The following DYNC2H1 variants were observed in gnomAD, a reference collection of about 807,000 sequenced individuals.
The protein encoded by DYNC2H1 is cytoplasmic dynein 2 heavy chain 1.
Under a neutral mutation model 570.0 loss-of-function variants are expected in DYNC2H1, and 410 were observed. The observed-to-expected ratio is 0.72, with a 90% CI of 0.66 to 0.78. DYNC2H1 has a LOEUF of 0.78. Ranked by LOEUF, DYNC2H1 falls within the 30% of genes least tolerant of loss-of-function variation. The probability of loss-of-function intolerance (pLI) is 0.00; values close to 1 mark genes in which losing one functional copy is unlikely to be tolerated. For missense variants in DYNC2H1, 4,865 were observed against 5,046.4 expected, an observed-to-expected ratio of 0.96 and a Z score of 1.09; for synonymous variants, 1,688 against 1,677.6, an observed-to-expected ratio of 1.01 and a Z score of -0.15.
intron 82 of DYNC2H1, among the ~76,000 whole-genome samples, chr11:103,356,560 T>C (rs1416920150): frequency 1.3e-5 from 2 of 152,176 alleles, no homozygotes; most frequent in African/African-American, 2.4e-5. Flanking sequence ...CACGAATAAG[T>C]GACAGCAAAA....
chr11:103,190,960 C>CTTTT (rs10707668), intron 45 of DYNC2H1, among the ~76,000 whole-genome samples: 1 of 110,540 alleles, frequency 9.0e-6, no homozygotes, highest in African/African-American at 3.5e-5. Context: ...GCTTTTTAGC[C>CTTTT]TTTTTTTTTT....
At chr11:103,330,111 G>C (rs1938699462) in intron 82 of DYNC2H1, among the ~76,000 whole-genome samples, 1 of 152,196 alleles carries the variant, frequency 6.6e-6, no homozygotes, top group Non-Finnish European at 1.5e-5. Flanking sequence ...AATAAAAATA[G>C]TCCCTGTTTT....
intron 84 of DYNC2H1, among the ~76,000 whole-genome samples, chr11:103,423,295 C>T (rs547605303): frequency 4.0e-5 from 6 of 150,556 alleles, no homozygotes; most frequent in Admixed American, 6.6e-5. Context: ...AGATAGACCC[C>T]GAAATATATA....
intron 75 of DYNC2H1, among the ~76,000 whole-genome samples, chr11:103,298,510 A>G (rs2135386066): frequency 6.6e-6 from 1 of 152,258 alleles, no homozygotes; most frequent in Admixed American, 6.5e-5. Context: ...TAAAAACCTC[A>G]TATTATTTAT....
At chr11:103,301,204 A>C (rs917458716) in intron 75 of DYNC2H1, among the ~76,000 whole-genome samples, 1 of 151,944 alleles carries the variant, frequency 6.6e-6, no homozygotes, top group Non-Finnish European at 1.5e-5. Context: ...ATGTATGGCT[A>C]TCAGAAATTA....
intron 78 of DYNC2H1, 120 bp downstream of exon 78, chr11:103,307,951 G>C (rs887528708): frequency 2.2e-6 from 1 of 448,888 alleles, no homozygotes; most frequent in Non-Finnish European, 3.9e-6. Context: ...ATTTAGATGA[G>C]GTATACATAG....
At chr11:103,231,592 T>A (rs1864013829) in intron 60 of DYNC2H1, among the ~76,000 whole-genome samples, 1 of 19,586 alleles carries the variant, frequency 5.1e-5, no homozygotes, top group Non-Finnish European at 1.0e-4. Context: ...TAAGGATCAT[T>A]TTTGAATATT....
At chr11:103,437,343 C>T (rs569386784) in intron 85 of DYNC2H1, among the ~76,000 whole-genome samples, 4 of 152,214 alleles carry the variant, frequency 2.6e-5, no homozygotes, top group Non-Finnish European at 5.9e-5. Context: ...TCTTTAGAGA[C>T]CTCCTCCAGG....
intron 4 of DYNC2H1, among the ~76,000 whole-genome samples, chr11:103,115,772 C>T (rs963044313): frequency 8.6e-5 from 13 of 151,942 alleles, no homozygotes; most frequent in Admixed American, 1.3e-4. Context: ...GGCAAGAGTG[C>T]GAGACTCCAT....
chr11:103,407,186 A>T (rs1328180985), intron 84 of DYNC2H1: 2 of 151,732 alleles, frequency 1.3e-5, no homozygotes, highest in South Asian at 2.1e-4. Flanking sequence ...TAGTATTGTG[A>T]TAAGAGTTCC....
intron 88 of DYNC2H1, among the ~76,000 whole-genome samples, chr11:103,475,714 C>T (rs371789685): frequency 1.3e-4 from 20 of 152,058 alleles, no homozygotes; most frequent in African/African-American, 4.3e-4. Flanking sequence ...CAAACAAAGC[C>T]TACAACTAAA....
intron 82 of DYNC2H1, among the ~76,000 whole-genome samples, chr11:103,340,374 GACATTTTGACA>G (rs1178540483): frequency 1.3e-5 from 2 of 149,140 alleles, no homozygotes; most frequent in African/African-American, 5.0e-5. Flanking sequence ...ACGAAAATGT[GACATTTTGACA>G]TTGAGAAAAT....
intron 75 of DYNC2H1, chr11:103,287,809 T>TG (rs755090872): frequency 1.8e-4 from 93 of 515,936 alleles, no homozygotes; most frequent in Admixed American, 1.5e-3. Context: ...GCCCAACAGG[T>TG]TCAACTTGCC....
chr11:103,166,156 C>A, intron 31 of DYNC2H1, 108 bp downstream of exon 31: 1 of 835,930 alleles, frequency 1.2e-6, no homozygotes, highest in Non-Finnish European at 1.7e-6. Flanking sequence ...GGTGATTACT[C>A]GAGGAATTAC....
intron 83 of DYNC2H1, among the ~76,000 whole-genome samples, chr11:103,371,346 T>G (rs1033055414): frequency 2.0e-5 from 3 of 152,108 alleles, no homozygotes; most frequent in African/African-American, 7.2e-5. Flanking sequence ...GTTATTGGCC[T>G]TAAAGAGGAG....
intron 83 of DYNC2H1, among the ~76,000 whole-genome samples, chr11:103,366,143 T>C (rs894960963): frequency 1.3e-5 from 2 of 152,246 alleles, no homozygotes; most frequent in Non-Finnish European, 2.9e-5. Flanking sequence ...ACTCTGGGTT[T>C]CATCTTTTGG....
chr11:103,154,957 T>C, intron 24 of DYNC2H1, 148 bp downstream of exon 24: 1 of 660,200 alleles, frequency 1.5e-6, no homozygotes, highest in Non-Finnish European at 2.4e-6. Context: ...GAGTAAACCA[T>C]AGAAATTATT....
In DYNC2H1 at chr11:103,215,706, A is replaced by G; in HGVS notation, c.8695-15A>G. ...CTTTTTTAAAATATTGCCGATCAAT[A>G]TTTTATTGATGTAGGCTGGTGTATC... is the stretch of plus-strand genomic sequence containing the variant. On this transcript the variant is annotated splice_polypyrimidine_tract_variant and intron_variant, in intron 54 of 88. Transcript: ENST00000375735. 6.4e-7 allele frequency: 1 copy of G among 1,566,756 alleles called. No homozygotes were observed. Among genetic ancestry groups the G allele is most frequent in the Non-Finnish European group, 8.6e-7 (1 of 1,158,152 alleles).
chr11:103,279,818 G>A (rs1258178562), intron 70 of DYNC2H1, among the ~76,000 whole-genome samples: 3 of 152,114 alleles, frequency 2.0e-5, no homozygotes, highest in Non-Finnish European at 2.9e-5. Context: ...ACACATTGAA[G>A]GAATTATTTG....
Sources: allele counts gnomAD v4.1 joint callset (sites outside exome capture counted in the v4.1 genomes callset), GRCh38; gene constraint gnomAD v4.1.1; transcripts MANE v1.5; gene names NCBI Gene and HGNC (gene_info 2026-07-23, HGNC 2026-07-21).